Variants in EYS observed in about 807,000 individuals in gnomAD.
EYS encodes the protein protein eyes shut homolog.
Under a neutral mutation model 282.1 loss-of-function variants are expected in EYS, and 250 were observed. The observed-to-expected ratio is 0.89, with a 90% CI of 0.80 to 0.98. EYS has a LOEUF of 0.98. EYS is among the 50% of genes least tolerant of loss of function. EYS has a pLI of 0.00. For synonymous variants in EYS, 1,355 were observed against 1,282.9 expected, an observed-to-expected ratio of 1.06 and a Z score of -1.20; for missense variants, 4,016 against 3,709.0, an observed-to-expected ratio of 1.08 and a Z score of -2.15.
intron 13 of EYS, among the ~76,000 whole-genome samples, chr6:65,013,397 C>T (rs1021073097): frequency 1.2e-4 from 18 of 152,174 alleles, no homozygotes; most frequent in South Asian, 8.3e-4. Context: ...CTGTGCTAGA[C>T]GCGGGAGGTG....
At chr6:64,500,215 T>C (rs1279488347) in intron 26 of EYS, among the ~76,000 whole-genome samples, 1 of 152,176 alleles carries the variant, frequency 6.6e-6, no homozygotes, top group Non-Finnish European at 1.5e-5. Context: ...ATCTTTATTT[T>C]AGTATTTAAC....
At chr6:64,483,968 T>C (rs1776510556) in intron 26 of EYS, among the ~76,000 whole-genome samples, 1 of 151,660 alleles carries the variant, frequency 6.6e-6, no homozygotes, top group Non-Finnish European at 1.5e-5. Context: ...TGCAACACTT[T>C]TGTAGGTGGG....
At chr6:64,987,960 T>C (rs1770917983) in intron 14 of EYS, among the ~76,000 whole-genome samples, 1 of 151,500 alleles carries the variant, frequency 6.6e-6, no homozygotes, top group Non-Finnish European at 1.5e-5. Flanking sequence ...TTAAATATAT[T>C]ATGTTTAACA....
intron 12 of EYS, among the ~76,000 whole-genome samples, chr6:65,102,389 GC>G (rs970900392): frequency 2.5e-4 from 38 of 151,082 alleles, no homozygotes; most frequent in Non-Finnish European, 4.7e-4. Flanking sequence ...TATTCTAAAA[GC>G]AATTAGCAAT....
At chr6:63,990,582 G>C (rs563255927) in intron 34 of EYS, among the ~76,000 whole-genome samples, 2 of 151,842 alleles carry the variant, frequency 1.3e-5, no homozygotes, top group East Asian at 3.9e-4. Flanking sequence ...TGAGAACAAA[G>C]GTGATGGTTT....
At chr6:64,533,266 A>G (rs1031743508) in intron 26 of EYS, among the ~76,000 whole-genome samples, 2 of 152,188 alleles carry the variant, frequency 1.3e-5, no homozygotes, top group Non-Finnish European at 2.9e-5. Context: ...TGGAGAAGTA[A>G]AAAAGAGTGG....
At chr6:65,410,809 T>C (rs924669887) in intron 5 of EYS, among the ~76,000 whole-genome samples, 2 of 151,860 alleles carry the variant, frequency 1.3e-5, no homozygotes, top group East Asian at 3.9e-4. Flanking sequence ...TGTTCAACAA[T>C]GGAAGAATGG....
chr6:63,997,743 A>T (rs550462636), intron 34 of EYS, among the ~76,000 whole-genome samples: 1 of 152,220 alleles, frequency 6.6e-6, no homozygotes, highest in Non-Finnish European at 1.5e-5. Context: ...TAACATTTTC[A>T]ACAACAAAAA....
rs550609651 is a variant in EYS at position 65,021,537 on chromosome 6, T to G, written c.2138-23834A>C. ...CACATCTTCCTGTCTCCTGATTCCT[T>G]CATGTCTCTAAGAAGTTCCAAATGT... On this transcript the variant is annotated intron_variant, in intron 13 of 42. Coordinates refer to ENST00000503581, the MANE Select transcript of EYS (RefSeq NM_001142800.2). Among the ~76,000 whole-genome samples the G allele has an allele frequency of 2.4e-4, 36 of 152,332 alleles. 1 individual carries two copies. The South Asian group carries it at 4.8e-3, about 20-fold the overall frequency.
At chr6:65,303,278 G>GA in intron 11 of EYS, 1 of 790,650 alleles carries the variant, frequency 1.3e-6, no homozygotes, top group Non-Finnish European at 2.1e-6. Flanking sequence ...TCCAGGTCCT[G>GA]AAAAAGAAAA....
intron 22 of EYS, among the ~76,000 whole-genome samples, chr6:64,760,974 A>C (rs988446809): frequency 1.6e-4 from 24 of 152,204 alleles, no homozygotes; most frequent in African/African-American, 5.3e-4. Context: ...TAGGAGAAGC[A>C]TGTTTTTTGA....
intron 26 of EYS, among the ~76,000 whole-genome samples, chr6:64,504,246 C>T (rs944090002): frequency 3.9e-5 from 6 of 152,128 alleles, no homozygotes; most frequent in African/African-American, 1.2e-4. Context: ...TCAGAATGAT[C>T]ATCATCCTTG....
At chr6:63,951,041 G>C (rs1479097558) in intron 35 of EYS, among the ~76,000 whole-genome samples, 1 of 151,928 alleles carries the variant, frequency 6.6e-6, no homozygotes. Context: ...TTCACCCTTA[G>C]TGTCAAGCAC....
At chr6:64,023,546 C>T (rs1769296380) in intron 33 of EYS, among the ~76,000 whole-genome samples, 1 of 152,252 alleles carries the variant, frequency 6.6e-6, no homozygotes, top group Non-Finnish European at 1.5e-5. Context: ...GCTTCACCAA[C>T]ACTTGTTATT....
In EYS at chr6:64,388,698, T is replaced by C. The variant is rs557785477; in HGVS notation, c.6070A>G (p.Lys2024Glu). The change falls in exon 29 of 43, where the codon AAA (lysine) becomes GAA (glutamate). Residue 2024 changes from lysine (K) to glutamate (E), a missense_variant. Coordinates refer to ENST00000503581, the MANE Select transcript of EYS (RefSeq NM_001142800.2). ...AACATCTATAGAAATACCTGGATTT[T>C]CCCATGAAGGTCTGGAAATCCACCA... is the stretch of plus-strand genomic sequence containing the variant. ...FIGGFPDLHGKIQMPVPVKNF... is the reference protein window; with the variant it reads ...FIGGFPDLHGEIQMPVPVKNF... The C allele has an allele frequency of 6.5e-7, 1 of 1,531,716 alleles. No homozygotes were observed. Among genetic ancestry groups the C allele is most frequent in the East Asian group, 2.5e-5 (1 of 39,944 alleles). 94.9% of individuals were successfully genotyped at this position (1,531,716 alleles called of 1,614,324 possible). A position where few individuals can be genotyped will look rare whatever the true frequency, so the allele number is the denominator to read the frequency against.
chr6:64,251,350 A>G (rs1767209908), intron 30 of EYS, among the ~76,000 whole-genome samples: 1 of 152,146 alleles, frequency 6.6e-6, no homozygotes, highest in Admixed American at 6.5e-5. Flanking sequence ...TCAGGTGAGA[A>G]TATGTGGACC....
chr6:65,375,348 A>C (rs2150344862), intron 8 of EYS, among the ~76,000 whole-genome samples: 1 of 152,198 alleles, frequency 6.6e-6, no homozygotes, highest in Non-Finnish European at 1.5e-5. Context: ...AAAGTCAATA[A>C]AAAGGATCCC....
intron 26 of EYS, among the ~76,000 whole-genome samples, chr6:64,582,740 T>G (rs1047699651): frequency 6.6e-6 from 1 of 152,178 alleles, no homozygotes; most frequent in Non-Finnish European, 1.5e-5. Flanking sequence ...CTGTATTCTC[T>G]ATAGAATGTC....
chr6:64,335,741 C>T (rs1209616043), intron 29 of EYS, among the ~76,000 whole-genome samples: 2 of 152,068 alleles, frequency 1.3e-5, no homozygotes, highest in Non-Finnish European at 2.9e-5. Flanking sequence ...ACCAGGTGAC[C>T]TATAAAGGAA....
Sources: gnomAD v4.1 joint callset for allele counts (sites outside exome capture counted in the v4.1 genomes callset) on GRCh38, gnomAD v4.1.1 for gene constraint, MANE v1.5 for transcripts, NCBI Gene and HGNC (gene_info 2026-07-23, HGNC 2026-07-21) for gene names.